ZNF385D: variants seen among roughly 807,000 people sequenced by gnomAD.
The protein encoded by ZNF385D is zinc finger protein 659.
A neutral mutation model predicts 35.8 loss-of-function variants in ZNF385D; 15 were observed. The observed-to-expected ratio is 0.42, with a 90% CI of 0.28 to 0.64. The LOEUF is 0.64. Among genes scored for constraint, ZNF385D ranks in the 30% least tolerant of loss-of-function variants. The pLI is 0.23. For missense variants in ZNF385D, 474 were observed against 494.6 expected, an observed-to-expected ratio of 0.96 and a Z score of 0.39; for synonymous variants, 212 against 186.8, an observed-to-expected ratio of 1.13 and a Z score of -1.10.
chr3:22,080,050 C>G (rs1170928589), intron 3 of ZNF385D, among the ~76,000 whole-genome samples: 1 of 152,060 alleles, frequency 6.6e-6, no homozygotes, highest in African/African-American at 2.4e-5. Flanking sequence ...TGCCAACCTA[C>G]ACCTATGTTA....
intron 2 of ZNF385D, among the ~76,000 whole-genome samples, chr3:21,602,250 G>T (rs2064317085): frequency 6.6e-6 from 1 of 152,048 alleles, no homozygotes; most frequent in Non-Finnish European, 1.5e-5. Flanking sequence ...GACACCTGGG[G>T]ATTATTATAA....
At chr3:21,980,870 T>C (rs1044563120) in intron 3 of ZNF385D, among the ~76,000 whole-genome samples, 2 of 152,180 alleles carry the variant, frequency 1.3e-5, no homozygotes, top group African/African-American at 4.8e-5. Context: ...TCCAGTTCCA[T>C]CTATATTCCT....
At chr3:22,265,520 T>C (rs1194144851) in intron 2 of ZNF385D, among the ~76,000 whole-genome samples, 2 of 151,928 alleles carry the variant, frequency 1.3e-5, no homozygotes, top group Non-Finnish European at 2.9e-5. Flanking sequence ...AGTTGATTAC[T>C]TAGAGAGGAA....
intron 3 of ZNF385D, among the ~76,000 whole-genome samples, chr3:21,816,843 G>A (rs1286175885): frequency 6.6e-6 from 1 of 152,044 alleles, no homozygotes; most frequent in African/African-American, 2.4e-5. Flanking sequence ...GCTTGAAAGT[G>A]CATATGGAGC....
chr3:22,254,082 T>G (rs1181173699), intron 2 of ZNF385D, among the ~76,000 whole-genome samples: 1 of 151,904 alleles, frequency 6.6e-6, no homozygotes, highest in South Asian at 2.1e-4. Context: ...GGAAAATATT[T>G]GCACAGTGTA....
chr3:22,366,535 G>A (rs974774215), intron 2 of ZNF385D, among the ~76,000 whole-genome samples: 2 of 151,922 alleles, frequency 1.3e-5, no homozygotes, highest in East Asian at 3.9e-4. Flanking sequence ...ATAAATTTCT[G>A]GTCCTTCCTG....
At position 21,918,638 on chromosome 3, in the gene ZNF385D, G is replaced by C. The variant is rs148281342; in HGVS notation, c.325+250179C>G. 7.7e-4 allele frequency among the ~76,000 whole-genome samples: 117 copies of C among 152,240 alleles called. 2 individuals carry two copies. The highest frequency in any genetic ancestry group is 2.8e-3 in the African/African-American group (115 of 41,540). On this transcript the variant is annotated intron_variant, in intron 3 of 5. Transcript: ENST00000494108. ...AAATAATAGCAGAGGGTATTACATG[G>C]TCTGTGGTTTAAGAAACAACAATAA...
intron 2 of ZNF385D, among the ~76,000 whole-genome samples, chr3:22,332,002 TAGA>T (rs1357402087): frequency 3.3e-5 from 5 of 152,174 alleles, no homozygotes; most frequent in Non-Finnish European, 7.4e-5. Context: ...TCAAGTAATA[TAGA>T]AGAATAGTAT....
At chr3:22,371,844 G>T (rs531951869) in intron 2 of ZNF385D, among the ~76,000 whole-genome samples, 2 of 152,080 alleles carry the variant, frequency 1.3e-5, no homozygotes, top group Admixed American at 1.3e-4. Context: ...GATTTCCTTG[G>T]AGGGACGCTT....
chr3:22,094,623 C>T (rs2125609720), intron 3 of ZNF385D, among the ~76,000 whole-genome samples: 1 of 151,878 alleles, frequency 6.6e-6, no homozygotes, highest in African/African-American at 2.4e-5. Context: ...ACATCTCAGC[C>T]ATCCCAGTGA....
intron 2 of ZNF385D, among the ~76,000 whole-genome samples, chr3:22,228,439 G>A (rs1698691568): frequency 6.6e-6 from 1 of 152,154 alleles, no homozygotes; most frequent in African/African-American, 2.4e-5. Flanking sequence ...TGGGTTCCAT[G>A]TGGAAGATCA....
intron 3 of ZNF385D, among the ~76,000 whole-genome samples, chr3:21,929,666 A>G (rs959642352): frequency 6.6e-6 from 1 of 152,092 alleles, no homozygotes; most frequent in Admixed American, 6.6e-5. Flanking sequence ...TTAGAAAGAA[A>G]CATCTAAAAA....
intron 3 of ZNF385D, among the ~76,000 whole-genome samples, chr3:22,150,372 A>G (rs887060681): frequency 1.3e-5 from 2 of 152,108 alleles, no homozygotes; most frequent in African/African-American, 4.8e-5. Context: ...TTCTTCAGTG[A>G]GAAAGAGCTG....
chr3:22,247,575 T>C (rs1699850713), intron 2 of ZNF385D, among the ~76,000 whole-genome samples: 1 of 151,958 alleles, frequency 6.6e-6, no homozygotes, highest in Middle Eastern at 3.2e-3. Flanking sequence ...TGTTTTTCAA[T>C]ATTTAACAGA....
At chr3:22,047,684 T>G (rs1293309799) in intron 3 of ZNF385D, among the ~76,000 whole-genome samples, 1 of 152,170 alleles carries the variant, frequency 6.6e-6, no homozygotes, top group East Asian at 1.9e-4. Flanking sequence ...TCTTAGCTAT[T>G]GTGAATGTTT....
At chr3:22,033,586 C>A (rs924507302) in intron 3 of ZNF385D, among the ~76,000 whole-genome samples, 7 of 151,866 alleles carry the variant, frequency 4.6e-5, no homozygotes, top group Non-Finnish European at 1.0e-4. Context: ...TATCAGTGTT[C>A]AGTGTAACCA....
chr3:22,190,732 A>G (rs1695962825), intron 2 of ZNF385D, among the ~76,000 whole-genome samples: 1 of 152,164 alleles, frequency 6.6e-6, no homozygotes, highest in Non-Finnish European at 1.5e-5. Flanking sequence ...CAATCCTTGA[A>G]ACATATCCAT....
intron 1 of ZNF385D, among the ~76,000 whole-genome samples, chr3:21,667,979 A>C (rs2066456823): frequency 6.6e-6 from 1 of 152,206 alleles, no homozygotes; most frequent in East Asian, 1.9e-4. Flanking sequence ...AAAAATATTT[A>C]AGCTCATCTC....
chr3:22,118,467 A>G (rs573002077), intron 3 of ZNF385D, among the ~76,000 whole-genome samples: 5 of 152,116 alleles, frequency 3.3e-5, no homozygotes, highest in Admixed American at 6.6e-5. Context: ...GTTGCTGCAT[A>G]TAGTTTTACA....
Sources: gnomAD v4.1 joint callset for allele counts (sites outside exome capture counted in the v4.1 genomes callset) on GRCh38, gnomAD v4.1.1 for gene constraint, MANE v1.5 for transcripts, NCBI Gene and HGNC (gene_info 2026-07-23, HGNC 2026-07-21) for gene names.